The following BNIP3L variants were observed in gnomAD, a reference collection of about 807,000 sequenced individuals.
The protein encoded by BNIP3L is BCL2/adenovirus E1B 19 kDa protein-interacting protein 3-like.
A neutral mutation model predicts 25.5 loss-of-function variants in BNIP3L; 10 were observed. The ratio of observed to expected loss-of-function variants is 0.39; its 90% confidence interval spans 0.24 to 0.67. The LOEUF (loss-of-function observed/expected upper bound fraction) is 0.67, where lower values mean the gene tolerates loss of function less well. BNIP3L is among the 30% of genes least tolerant of loss of function. The pLI is 0.45. For synonymous variants in BNIP3L, 113 were observed against 101.2 expected, an observed-to-expected ratio of 1.12 and a Z score of -0.70; for missense variants, 215 against 270.9, an observed-to-expected ratio of 0.79 and a Z score of 1.45.
Position 26,408,113 on chromosome 8 carries a change from C to T in BNIP3L, c.461+10C>T, listed in dbSNP as rs1347114727. ...AAAACATTCCACCCAAGTGAGTTCT[C>T]ACATGTTTCTTGTCAGTGGACACAG... On this transcript the variant is annotated intron_variant, in intron 4 of 5. Transcript: ENST00000380629. 1.2e-6 allele frequency: 2 copies of T among 1,613,772 alleles called. No individual in the cohort carries two copies. The highest frequency in any genetic ancestry group is 1.7e-6 in the Non-Finnish European group (2 of 1,179,656).
intron 3 of BNIP3L, 99 bp downstream of exon 3, chr8:26,395,401 G>C: frequency 7.9e-7 from 1 of 1,264,292 alleles, no homozygotes; most frequent in Non-Finnish European, 1.1e-6. Context: ...TTTAGGAATA[G>C]TTTGAAGCTA....
At chr8:26,408,501 A>G (rs570031960) in intron 5 of BNIP3L, 125 bp downstream of exon 5, 1 of 1,175,628 alleles carries the variant, frequency 8.5e-7, no homozygotes, top group African/African-American at 1.5e-5. Flanking sequence ...AAATAAGGTG[A>G]ACTTAAAAAA....
intron 3 of BNIP3L, among the ~76,000 whole-genome samples, chr8:26,405,350 G>C (rs1047986771): frequency 6.6e-6 from 1 of 152,124 alleles, no homozygotes; most frequent in Non-Finnish European, 1.5e-5. Flanking sequence ...TTTTGATTTG[G>C]GATGATTTCA....
chr8:26,387,601 G>A (rs992708009), intron 1 of BNIP3L, among the ~76,000 whole-genome samples: 11 of 152,172 alleles, frequency 7.2e-5, no homozygotes, highest in Non-Finnish European at 1.2e-4. Flanking sequence ...GGAAACAGAC[G>A]TGTTGTTCAT....
intron 1 of BNIP3L, 28 bp downstream of exon 1, chr8:26,383,258 G>A (rs546982469): frequency 1.1e-5 from 18 of 1,591,028 alleles, no homozygotes; most frequent in Non-Finnish European, 1.5e-5. Context: ...GCTCTGTGAA[G>A]GGGATGGGGG....
intron 1 of BNIP3L, among the ~76,000 whole-genome samples, chr8:26,388,289 T>G (rs1376332188): frequency 1.3e-5 from 2 of 152,232 alleles, no homozygotes; most frequent in Non-Finnish European, 2.9e-5. Flanking sequence ...TTCTTATTGT[T>G]CTGCGTGCTA....
intron 1 of BNIP3L, 52 bp downstream of exon 1, chr8:26,383,282 C>T (rs766453439): frequency 1.9e-6 from 3 of 1,563,068 alleles, no homozygotes; most frequent in Non-Finnish European, 2.6e-6. Flanking sequence ...AGGAGCAGCC[C>T]CGGCCGCCGC....
intron 2 of BNIP3L, among the ~76,000 whole-genome samples, chr8:26,394,376 A>C (rs1023082274): frequency 6.6e-6 from 1 of 152,174 alleles, no homozygotes; most frequent in African/African-American, 2.4e-5. Flanking sequence ...AGTGGTTCTC[A>C]AAGTTTTTGG....
At chr8:26,395,537 T>A in intron 3 of BNIP3L, 1 of 491,130 alleles carries the variant, frequency 2.0e-6, no homozygotes, top group Non-Finnish European at 3.6e-6. Flanking sequence ...TAATAAATCA[T>A]GCCAATACTC....
At chr8:26,384,339 C>T (rs1805937648) in intron 1 of BNIP3L, among the ~76,000 whole-genome samples, 1 of 152,138 alleles carries the variant, frequency 6.6e-6, no homozygotes, top group Admixed American at 6.5e-5. Context: ...GAGTTTCAGC[C>T]CTCACCAGGT....
chr8:26,392,569 C>G (rs1181211519), intron 2 of BNIP3L, among the ~76,000 whole-genome samples: 3 of 151,972 alleles, frequency 2.0e-5, no homozygotes, highest in Non-Finnish European at 4.4e-5. Context: ...CACTGTGCAC[C>G]CCCGCCACCC....
chr8:26,384,726 CATT>C (rs1213372808), intron 1 of BNIP3L, among the ~76,000 whole-genome samples: 1,887 of 95,410 alleles, frequency 0.02, 15 homozygotes, highest in Admixed American at 0.035. Context: ...CTTTTGAGGA[CATT>C]TTTTTTTTTT....
At chr8:26,387,807 T>C (rs186640954) in intron 1 of BNIP3L, among the ~76,000 whole-genome samples, 29 of 152,346 alleles carry the variant, frequency 1.9e-4, no homozygotes, top group African/African-American at 6.7e-4. Flanking sequence ...CAAATTATTC[T>C]CCAGAATGTT....
chr8:26,390,163 A>G (rs1585430996), intron 1 of BNIP3L, among the ~76,000 whole-genome samples: 1 of 152,310 alleles, frequency 6.6e-6, no homozygotes, highest in East Asian at 1.9e-4. Flanking sequence ...CATGTTCCCC[A>G]GGCTGGTGTC....
chr8:26,392,580 C>G (rs1176815623), intron 2 of BNIP3L, among the ~76,000 whole-genome samples: 1 of 152,104 alleles, frequency 6.6e-6, no homozygotes. Flanking sequence ...CCCGCCACCC[C>G]CGTGTCATCC....
intron 3 of BNIP3L, among the ~76,000 whole-genome samples, chr8:26,398,103 C>T (rs1227051036): frequency 3.5e-5 from 3 of 86,134 alleles, no homozygotes; most frequent in African/African-American, 4.6e-5. Context: ...GAATTGAACT[C>T]AGCTCTGCAC....
chr8:26,383,439 G>C lies in BNIP3L; in HGVS notation c.100+209G>C, dbSNP rs569767228. 2.2e-6 allele frequency: 3 copies of C among 1,381,238 alleles called. No individual in the cohort carries two copies. The African/African-American group carries it at 4.5e-5, about 21-fold the overall frequency. 85.6% of individuals were successfully genotyped at this position (1,381,238 alleles called of 1,614,324 possible). A position where few individuals can be genotyped will look rare whatever the true frequency, so the allele number is the denominator to read the frequency against. On this transcript the variant is annotated intron_variant, in intron 1 of 5. Coordinates refer to ENST00000380629, the MANE Select transcript of BNIP3L (RefSeq NM_004331.3). ...TCTCTGTTGCCTCCTGGGGTCTTGG[G>C]CCCGGGGCCGTTTGGGCTCGCGGTC...
At chr8:26,407,028 T>A (rs558313711) in intron 3 of BNIP3L, among the ~76,000 whole-genome samples, 1 of 151,942 alleles carries the variant, frequency 6.6e-6, no homozygotes, top group South Asian at 2.1e-4. Flanking sequence ...AATCTCACTC[T>A]ATCACCCAGG....
chr8:26,391,907 T>A (rs1451420148), intron 2 of BNIP3L, among the ~76,000 whole-genome samples: 7 of 152,236 alleles, frequency 4.6e-5, no homozygotes. Flanking sequence ...ACTCAGTAAA[T>A]GTTTGATTCA....
Sources: gnomAD v4.1 joint callset for allele counts (sites outside exome capture counted in the v4.1 genomes callset) on GRCh38, gnomAD v4.1.1 for gene constraint, MANE v1.5 for transcripts, NCBI Gene and HGNC (gene_info 2026-07-23, HGNC 2026-07-21) for gene names.